Variants in SDC2 observed in about 807,000 individuals in gnomAD.
The protein encoded by SDC2 is syndecan 2.
Under a neutral mutation model 22.2 loss-of-function variants are expected in SDC2, and 13 were observed. The observed-to-expected ratio is 0.59, with a 90% CI of 0.38 to 0.93. The LOEUF (loss-of-function observed/expected upper bound fraction) is 0.93, where lower values mean the gene tolerates loss of function less well. Ranked by LOEUF, SDC2 falls within the 40% of genes least tolerant of loss-of-function variation. The pLI, the probability that SDC2 is intolerant of heterozygous loss-of-function variation, is 0.00. For synonymous variants in SDC2, 94 were observed against 92.8 expected (o/e 1.01, Z -0.07); for missense variants, 235 against 246.8 (o/e 0.95, Z 0.32).
At chr8:96,499,196 A>G (rs1813122257) in intron 1 of SDC2, among the ~76,000 whole-genome samples, 1 of 152,232 alleles carries the variant, frequency 6.6e-6, no homozygotes, top group South Asian at 2.1e-4. Flanking sequence ...TATTGATTAA[A>G]TGCAAGCTCC....
chr8:96,569,189 T>C (rs1814350444), intron 1 of SDC2, among the ~76,000 whole-genome samples: 2 of 152,170 alleles, frequency 1.3e-5, no homozygotes, highest in African/African-American at 4.8e-5. Context: ...TAAAATGTTT[T>C]GTAGAGACAG....
chr8:96,595,661 G>C lies in SDC2; in HGVS notation c.172+2070G>C, dbSNP rs146083841. Among the ~76,000 whole-genome samples, 200 of 152,292 alleles carry C rather than the reference G, an allele frequency of 1.3e-3. 4 individuals are homozygous for C. In the East Asian group the frequency reaches 0.029, roughly 22 times the overall value. On this transcript the variant is annotated intron_variant, in intron 2 of 4. Transcript: ENST00000302190. ...TACAGGTTGGCGAAGTCATTTTGCT[G>C]ATTTGCTAAGGTTGACCTTAAGTCT...
chr8:96,521,752 A>T (rs1663755121), intron 1 of SDC2, among the ~76,000 whole-genome samples: 1 of 152,206 alleles, frequency 6.6e-6, no homozygotes, highest in South Asian at 2.1e-4. Context: ...TTGGGGAGCT[A>T]ATTTCTTGTA....
chr8:96,580,987 T>A (rs1023456457), intron 1 of SDC2, among the ~76,000 whole-genome samples: 1 of 152,198 alleles, frequency 6.6e-6, no homozygotes, highest in East Asian at 1.9e-4. Flanking sequence ...CAGCTTTTTT[T>A]ATTCCTGGAC....
chr8:96,598,802 G>A (rs1814926274), intron 2 of SDC2, among the ~76,000 whole-genome samples: 1 of 152,016 alleles, frequency 6.6e-6, no homozygotes, highest in South Asian at 2.1e-4. Flanking sequence ...ATTTCAGACA[G>A]GGAGAACAGT....
chr8:96,495,960 T>C (rs1044862572), intron 1 of SDC2, among the ~76,000 whole-genome samples: 3 of 152,256 alleles, frequency 2.0e-5, no homozygotes, highest in African/African-American at 7.2e-5. Context: ...GGATGAACTT[T>C]GGCTCTTTGT....
intron 1 of SDC2, among the ~76,000 whole-genome samples, chr8:96,515,186 C>G (rs1245755554): frequency 1.3e-5 from 2 of 152,182 alleles, no homozygotes; most frequent in African/African-American, 4.8e-5. Context: ...TCTATAATGG[C>G]TATGCTTTTC....
At chr8:96,546,056 C>T (rs1256271837) in intron 1 of SDC2, among the ~76,000 whole-genome samples, 2 of 152,228 alleles carry the variant, frequency 1.3e-5, no homozygotes, top group Non-Finnish European at 2.9e-5. Flanking sequence ...AAGGAGTTCA[C>T]TCCTCTGTAA....
Position 96,498,741 on chromosome 8 carries a change from C to T in SDC2, c.60+4410C>T, listed in dbSNP as rs117445667. On this transcript the variant is annotated intron_variant, in intron 1 of 4. Transcript: ENST00000302190. ...CCTGACCTCAGCTGATCCACCGCCT[C>T]GGCCACCCAAAGTGCTGGGATTATA... Among the ~76,000 whole-genome samples, 269 of 152,294 alleles carry T rather than the reference C, an allele frequency of 1.8e-3. 3 individuals carry two copies. The East Asian group carries it at 0.038, about 22-fold the overall frequency.
chr8:96,497,302 G>C (rs1458110677), intron 1 of SDC2, among the ~76,000 whole-genome samples: 1 of 152,084 alleles, frequency 6.6e-6, no homozygotes, highest in Non-Finnish European at 1.5e-5. Flanking sequence ...AATTGCTTTT[G>C]CTAGGGAATT....
At chr8:96,601,752 G>A (rs1305941069) in intron 2 of SDC2, among the ~76,000 whole-genome samples, 1 of 151,354 alleles carries the variant, frequency 6.6e-6, no homozygotes, top group African/African-American at 2.4e-5. Context: ...ATTTTGTTTT[G>A]TTGTGGGTTT....
At position 96,542,957 on chromosome 8, in the gene SDC2, T is replaced by C. The variant is rs1419289604; in HGVS notation, c.60+48626T>C. Reference sequence around the variant, plus strand: ...AAGGGGGAACATATAGAGAGGATAGTTATACAGGGGAAGGTGGGGAGAAAG... The same window carrying C: ...AAGGGGGAACATATAGAGAGGATAGCTATACAGGGGAAGGTGGGGAGAAAG... On this transcript the variant is annotated intron_variant, in intron 1 of 4. Coordinates refer to ENST00000302190, the MANE Select transcript of SDC2 (RefSeq NM_002998.4). 2.0e-5 allele frequency among the ~76,000 whole-genome samples: 3 copies of C among 152,050 alleles called. No homozygotes were observed. The East Asian group carries it at 5.8e-4, about 29-fold the overall frequency.
At position 96,532,620 on chromosome 8, in the gene SDC2, G is replaced by A. The variant is rs553132668; in HGVS notation, c.60+38289G>A. Among the ~76,000 whole-genome samples the A allele has an allele frequency of 9.2e-5, 14 of 152,110 alleles. No individual in the cohort carries two copies. The East Asian group carries it at 2.7e-3, about 29-fold the overall frequency. On this transcript the variant is annotated intron_variant, in intron 1 of 4. Transcript: ENST00000302190. Reference sequence around the variant, plus strand: ...TAAGAATGCATGTAATGAGTACCCAGACAGCATGACACTTTTTCAGTTATC... The same window carrying A: ...TAAGAATGCATGTAATGAGTACCCAAACAGCATGACACTTTTTCAGTTATC...
At chr8:96,554,992 G>A (rs1027137258) in intron 1 of SDC2, among the ~76,000 whole-genome samples, 1 of 151,728 alleles carries the variant, frequency 6.6e-6, no homozygotes, top group Non-Finnish European at 1.5e-5. Flanking sequence ...TTCCTTCTTC[G>A]AATTTAAGCC....
chr8:96,544,679 C>T (rs1178384256), intron 1 of SDC2, among the ~76,000 whole-genome samples: 1 of 152,102 alleles, frequency 6.6e-6, no homozygotes, highest in East Asian at 1.9e-4. Context: ...TTGGTGTCCC[C>T]ACAGCACTTT....
intron 1 of SDC2, among the ~76,000 whole-genome samples, chr8:96,587,715 A>G (rs999869800): frequency 5.3e-5 from 8 of 152,224 alleles, no homozygotes; most frequent in African/African-American, 1.9e-4. Context: ...ACTAGTTCTG[A>G]AAGATGTTAA....
intron 1 of SDC2, among the ~76,000 whole-genome samples, chr8:96,517,558 C>A (rs997968605): frequency 3.3e-5 from 5 of 152,216 alleles, no homozygotes; most frequent in Admixed American, 6.5e-5. Flanking sequence ...CATGTGGTAT[C>A]CAGTTGTCCC....
chr8:96,554,830 C>T (rs532461069), intron 1 of SDC2, among the ~76,000 whole-genome samples: 1 of 152,268 alleles, frequency 6.6e-6, no homozygotes, highest in South Asian at 2.1e-4. Flanking sequence ...TTGGGTTGGT[C>T]TTCAAACCCT....
intron 1 of SDC2, among the ~76,000 whole-genome samples, chr8:96,569,008 T>A (rs1343088207): frequency 6.6e-6 from 1 of 152,130 alleles, no homozygotes; most frequent in Non-Finnish European, 1.5e-5. Flanking sequence ...TTCCTCCTCC[T>A]TGTTTTTGTG....
Sources: allele counts gnomAD v4.1 joint callset (sites outside exome capture counted in the v4.1 genomes callset), GRCh38; gene constraint gnomAD v4.1.1; transcripts MANE v1.5; gene names NCBI Gene and HGNC (gene_info 2026-07-23, HGNC 2026-07-21).